Variants in MAOA observed in about 807,000 individuals in gnomAD.
MAOA encodes amine oxidase [flavin-containing] A.
A neutral mutation model predicts 42.0 loss-of-function variants in MAOA; 6 were observed. That is an observed-to-expected ratio of 0.14 (90% CI 0.08 to 0.28). The LOEUF (loss-of-function observed/expected upper bound fraction) is 0.28, where lower values mean the gene tolerates loss of function less well. Among genes scored for constraint, MAOA ranks in the 10% least tolerant of loss-of-function variants. The pLI, the probability that MAOA is intolerant of heterozygous loss-of-function variation, is 1.00. For missense variants in MAOA, 262 were observed against 422.3 expected (o/e 0.62, Z 3.33); for synonymous variants, 140 against 154.0 (o/e 0.91, Z 0.67).
At chrX:43,667,208 C>T (rs906246529) in intron 1 of MAOA, among the ~76,000 whole-genome samples, 2 of 111,435 alleles carry the variant, frequency 1.8e-5, no homozygotes, top group Non-Finnish European at 3.8e-5. Context: ...TGTAAAAGCA[C>T]TCCCCACTTC....
rs187311910 is a variant in MAOA at position 43,707,359 on chromosome X, T to C, written c.307-4513T>C. Among the ~76,000 whole-genome samples, 46 of 111,521 alleles carry C rather than the reference T, an allele frequency of 4.1e-4. 1 individual carries two copies. The East Asian group carries it at 9.6e-3, about 23-fold the overall frequency. On this transcript the variant is annotated intron_variant, in intron 3 of 14. Transcript: ENST00000338702. Reference sequence around the variant, plus strand: ...ATTGGTGACCATAGAGAAAAGGGCATCCACGGACTTTTGAGGATACAAGTC... The same window carrying C: ...ATTGGTGACCATAGAGAAAAGGGCACCCACGGACTTTTGAGGATACAAGTC...
chrX:43,724,385 A>G (rs1287704808), intron 5 of MAOA, among the ~76,000 whole-genome samples: 7 of 111,544 alleles, frequency 6.3e-5, no homozygotes, highest in Admixed American at 4.8e-4. Flanking sequence ...CAGAGATTCA[A>G]CTTCTTCCTG....
intron 5 of MAOA, 143 bp from the exon 6 acceptor site, chrX:43,728,030 C>T: frequency 1.7e-6 from 1 of 593,613 alleles, no homozygotes; most frequent in Non-Finnish European, 2.9e-6. Context: ...AGAATGCATT[C>T]CTTCAGAAAT....
chrX:43,712,260 A>G (rs776046223), intron 4 of MAOA, among the ~76,000 whole-genome samples: 1 of 111,681 alleles, frequency 9.0e-6, no homozygotes, highest in Admixed American at 9.6e-5. Flanking sequence ...CTGAGCATTT[A>G]TATGACATAT....
chrX:43,662,310 A>G (rs2033240585), intron 1 of MAOA, among the ~76,000 whole-genome samples: 1 of 111,240 alleles, frequency 9.0e-6, no homozygotes, highest in African/African-American at 3.3e-5. Flanking sequence ...TTACTTCATA[A>G]ACTTTTTAAA....
intron 5 of MAOA, among the ~76,000 whole-genome samples, chrX:43,718,120 G>A (rs1173311878): frequency 9.1e-6 from 1 of 109,293 alleles, no homozygotes; most frequent in East Asian, 2.9e-4. Flanking sequence ...AGTGGTGGGG[G>A]TGGCAGAAGG....
rs1310978635 is a variant in MAOA, at chrX:43,657,298, G to GTTTA, written c.73+885_73+886insTTAT. ...TTATATATATATATATATGAACTGT[G>GTTTA]TGTGTGTATATATATATATGAACTT... On this transcript the variant is annotated intron_variant, in intron 1 of 14. Transcript: ENST00000338702. Among the ~76,000 whole-genome samples, 12 of 98,320 alleles carry GTTTA rather than the reference G, an allele frequency of 1.2e-4. No homozygotes were observed. The South Asian group carries it at 4.1e-3, about 33-fold the overall frequency. 85.4% of individuals were successfully genotyped at this position (98,320 alleles called of 115,157 possible).
At position 43,731,297 on chromosome X, in the gene MAOA, C is replaced by T. The variant is rs370853887; in HGVS notation, c.702C>T (p.Leu234=). Residue 234 remains leucine, a synonymous_variant, in exon 7 of 15, where the codon CTC becomes CTT. Transcript: ENST00000338702. The part of the protein sequence containing the change: ...GQVSERIMDL[L]GDQVKLNHPV... ...TGAGCGAACGGATAATGGACCTCCT[C>T]GGAGACCAAGTGAAGCTGAACCATC... The T allele has an allele frequency of 4.5e-5, 54 of 1,207,777 alleles. No homozygotes were observed. The highest frequency in any genetic ancestry group is 7.0e-5 in the African/African-American group (4 of 57,259).
At chrX:43,734,526 A>G (rs2033906432) in intron 9 of MAOA, among the ~76,000 whole-genome samples, 1 of 111,757 alleles carries the variant, frequency 8.9e-6, no homozygotes, top group Non-Finnish European at 1.9e-5. Flanking sequence ...GTGATATTCT[A>G]ATCTCTTTCA....
In MAOA at chrX:43,693,139, A is replaced by G; in HGVS notation, c.169-152A>G. The stretch of plus-strand genomic sequence containing the variant: ...GGATTGTGCCCCAGTTCTTGAGTGG[A>G]TGAGGAAAGATTGCCATTTTCAGTT... On this transcript the variant is annotated intron_variant, in intron 2 of 14. Transcript: ENST00000338702. 9.8e-6 allele frequency: 5 copies of G among 512,442 alleles called. No individual in the cohort carries two copies. In the South Asian group the frequency reaches 1.4e-4, roughly 14 times the overall value. The allele number at this position is 512,442 out of a possible 1,213,427, so 42.2% of individuals were successfully genotyped here. A position where few individuals can be genotyped will look rare whatever the true frequency, so the allele number is the denominator to read the frequency against.
chrX:43,706,405 T>A (rs1378502344), intron 3 of MAOA, among the ~76,000 whole-genome samples: 1 of 111,959 alleles, frequency 8.9e-6, no homozygotes, highest in Non-Finnish European at 1.9e-5. Context: ...GAACTCATTA[T>A]TGTTTCTATC....
At position 43,744,646 on chromosome X, in the gene MAOA, C is replaced by T. The variant is rs1316683284; in HGVS notation, c.*133C>T. 1 of 686,382 alleles carries T rather than the reference C, an allele frequency of 1.5e-6. No homozygotes were observed. The highest frequency in any genetic ancestry group is 2.3e-6 in the Non-Finnish European group (1 of 440,259). The allele number at this position is 686,382 out of a possible 1,213,427, so 56.6% of individuals were successfully genotyped here. On this transcript the variant is annotated 3_prime_UTR_variant, in exon 15 of 15. Transcript: ENST00000338702. ...TAACTACCTTTGGCTTAATTCCAAT[C>T]ATTGTTAAAGTAAAAACAATTCAAA...
intron 3 of MAOA, among the ~76,000 whole-genome samples, chrX:43,704,428 A>G (rs965552863): frequency 9.0e-6 from 1 of 111,584 alleles, no homozygotes; most frequent in Non-Finnish European, 1.9e-5. Context: ...ACATTTGACA[A>G]AATTCAACAT....
intron 1 of MAOA, among the ~76,000 whole-genome samples, chrX:43,668,102 T>G (rs1383851276): frequency 1.8e-5 from 2 of 112,038 alleles, no homozygotes; most frequent in Non-Finnish European, 3.8e-5. Context: ...ATCACTTTAC[T>G]TTGCCACCAA....
intron 5 of MAOA, among the ~76,000 whole-genome samples, chrX:43,717,545 A>T (rs2033754047): frequency 1.8e-5 from 2 of 110,239 alleles, no homozygotes; most frequent in South Asian, 7.9e-4. Context: ...TCATGGGGGA[A>T]AATTGAAGGG....
intron 1 of MAOA, among the ~76,000 whole-genome samples, chrX:43,676,940 G>T (rs1341735877): frequency 1.8e-5 from 2 of 111,052 alleles, no homozygotes; most frequent in Non-Finnish European, 3.8e-5. Context: ...ACATTTCCAG[G>T]TTTATTCAAG....
chrX:43,691,359 G>A (rs2033530967), intron 2 of MAOA, among the ~76,000 whole-genome samples: 1 of 106,343 alleles, frequency 9.4e-6, no homozygotes, highest in African/African-American at 3.4e-5. Flanking sequence ...GACTGATAGA[G>A]TAAGACCCTG....
At chrX:43,722,301 C>T (rs1038554065) in intron 5 of MAOA, among the ~76,000 whole-genome samples, 20 of 112,164 alleles carry the variant, frequency 1.8e-4, no homozygotes, top group African/African-American at 5.5e-4. Context: ...ATTGACACTC[C>T]CACCAACATT....
chrX:43,682,633 T>G (rs1026529787), intron 1 of MAOA, among the ~76,000 whole-genome samples: 1 of 111,937 alleles, frequency 8.9e-6, no homozygotes, highest in South Asian at 3.7e-4. Context: ...ATAATTTATA[T>G]GGATACTCTA....
Sources: allele counts gnomAD v4.1 joint callset (sites outside exome capture counted in the v4.1 genomes callset), GRCh38; gene constraint gnomAD v4.1.1; transcripts MANE v1.5; gene names NCBI Gene and HGNC (gene_info 2026-07-23, HGNC 2026-07-21).